Variants in IMMP2L observed in about 807,000 individuals in gnomAD.
IMMP2L encodes inner mitochondrial membrane peptidase subunit 2.
In IMMP2L, 18 loss-of-function variants were observed where a neutral mutation model predicts 19.3. The ratio of observed to expected loss-of-function variants is 0.93; its 90% CI spans 0.64 to 1.38. IMMP2L has a LOEUF of 1.38. Ranked by LOEUF, IMMP2L falls within the 40% of genes most tolerant of loss-of-function variation. The probability of loss-of-function intolerance (pLI) is 0.00; values close to 1 mark genes in which losing one functional copy is unlikely to be tolerated. For missense variants in IMMP2L, 233 were observed against 218.2 expected, an observed-to-expected ratio of 1.07 and a Z score of -0.43; for synonymous variants, 76 against 73.0, an observed-to-expected ratio of 1.04 and a Z score of -0.21.
intron 3 of IMMP2L, among the ~76,000 whole-genome samples, chr7:111,095,268 TA>T (rs1797282261): frequency 6.6e-6 from 1 of 152,030 alleles, no homozygotes; most frequent in African/African-American, 2.4e-5. Flanking sequence ...GAAATCGTTA[TA>T]ATGTAATACA....
chr7:111,297,505 T>G (rs572623262), intron 3 of IMMP2L, among the ~76,000 whole-genome samples: 131 of 152,214 alleles, frequency 8.6e-4, no homozygotes, highest in African/African-American at 3.1e-3. Flanking sequence ...ATTTTGGCAG[T>G]TTTAGAAATA....
At chr7:110,911,170 T>G (rs2129548363) in intron 4 of IMMP2L, among the ~76,000 whole-genome samples, 1 of 152,092 alleles carries the variant, frequency 6.6e-6, no homozygotes, top group African/African-American at 2.4e-5. Context: ...ACGTACACAG[T>G]TAAAAAAAGG....
chr7:110,830,473 A>T (rs1009275809), intron 5 of IMMP2L, among the ~76,000 whole-genome samples: 1 of 152,184 alleles, frequency 6.6e-6, no homozygotes, highest in African/African-American at 2.4e-5. Flanking sequence ...CTTAAAGTAA[A>T]GTGGACACAG....
At chr7:111,015,199 G>A (rs1362869731) in intron 3 of IMMP2L, among the ~76,000 whole-genome samples, 6 of 152,080 alleles carry the variant, frequency 3.9e-5, no homozygotes, top group African/African-American at 1.2e-4. Context: ...TGATATGTAC[G>A]TACAATGAAA....
At chr7:111,103,755 A>G (rs528687504) in intron 3 of IMMP2L, among the ~76,000 whole-genome samples, 4 of 151,694 alleles carry the variant, frequency 2.6e-5, no homozygotes, top group South Asian at 4.2e-4. Flanking sequence ...TATACTATGA[A>G]CTTTTAACGC....
At chr7:110,878,775 G>A (rs1004228539) in intron 5 of IMMP2L, among the ~76,000 whole-genome samples, 14 of 151,968 alleles carry the variant, frequency 9.2e-5, no homozygotes, top group Admixed American at 7.2e-4. Context: ...GTAATTTAAC[G>A]CTTATGTATA....
rs145670011 is a variant in IMMP2L, at chr7:111,241,517, C to G, written c.239+245721G>C. Among the ~76,000 whole-genome samples the G allele has an allele frequency of 1.7e-4, 26 of 151,944 alleles. No homozygotes were observed. In the East Asian group the frequency reaches 4.8e-3, roughly 28 times the overall value. On this transcript the variant is annotated intron_variant, in intron 3 of 5. Coordinates refer to ENST00000405709, the MANE Select transcript of IMMP2L (RefSeq NM_032549.4). The stretch of plus-strand genomic sequence containing the variant: ...AATGCTTAACAAAATTAATGCCAAC[C>G]TAACCTACTTGGCAAGGACAACCCT...
intron 5 of IMMP2L, among the ~76,000 whole-genome samples, chr7:110,740,654 C>T (rs1459028218): frequency 2.0e-5 from 3 of 151,990 alleles, no homozygotes; most frequent in African/African-American, 7.2e-5. Context: ...AGTCTTGGTG[C>T]CAATCCTATT....
At chr7:110,830,354 T>C (rs1018497890) in intron 5 of IMMP2L, among the ~76,000 whole-genome samples, 2 of 152,028 alleles carry the variant, frequency 1.3e-5, no homozygotes, top group East Asian at 1.9e-4. Flanking sequence ...GGACAGCATT[T>C]AGGACAAACG....
chr7:111,150,766 A>G (rs1218913358), intron 3 of IMMP2L, among the ~76,000 whole-genome samples: 1 of 152,192 alleles, frequency 6.6e-6, no homozygotes, highest in East Asian at 1.9e-4. Context: ...CTTATTGGCT[A>G]TTCTTTTCTC....
chr7:111,536,504 A>C (rs1181845262), intron 1 of IMMP2L, among the ~76,000 whole-genome samples: 2 of 151,938 alleles, frequency 1.3e-5, no homozygotes, highest in African/African-American at 4.8e-5. Context: ...ATGGAGTTTC[A>C]CCATGTTGCC....
intron 3 of IMMP2L, among the ~76,000 whole-genome samples, chr7:111,459,622 C>T (rs750067719): frequency 1.3e-5 from 2 of 152,068 alleles, no homozygotes; most frequent in Non-Finnish European, 2.9e-5. Context: ...GTATGTGATA[C>T]TTCTAGTCAA....
intron 3 of IMMP2L, among the ~76,000 whole-genome samples, chr7:111,258,179 G>C (rs1006302639): frequency 1.1e-4 from 16 of 152,030 alleles, no homozygotes; most frequent in Non-Finnish European, 2.2e-4. Flanking sequence ...TGATAACTAA[G>C]AGTTGTTCCA....
intron 3 of IMMP2L, among the ~76,000 whole-genome samples, chr7:111,082,188 C>T (rs992336084): frequency 1.2e-4 from 18 of 152,156 alleles, no homozygotes; most frequent in African/African-American, 3.4e-4. Context: ...TAAAGTACAA[C>T]GGAGCAAATC....
intron 5 of IMMP2L, among the ~76,000 whole-genome samples, chr7:110,797,580 T>A (rs911169436): frequency 1.3e-5 from 2 of 152,012 alleles, no homozygotes; most frequent in African/African-American, 4.8e-5. Flanking sequence ...AACACGTTTC[T>A]GTTGTGCCAC....
intron 3 of IMMP2L, among the ~76,000 whole-genome samples, chr7:111,090,724 T>C (rs1796770450): frequency 6.6e-6 from 1 of 152,104 alleles, no homozygotes; most frequent in Admixed American, 6.6e-5. Context: ...TCTTAAATAA[T>C]GCAGTCATTG....
At chr7:111,299,573 GA>G (rs71147472) in intron 3 of IMMP2L, among the ~76,000 whole-genome samples, 25,080 of 118,398 alleles carry the variant, frequency 0.21, 2,229 homozygotes, top group African/African-American at 0.28. Flanking sequence ...AGCTGAAGCA[GA>G]AAAAAAAAAA....
At chr7:111,497,768 T>C (rs140842095) in intron 2 of IMMP2L, among the ~76,000 whole-genome samples, 1,619 of 152,136 alleles carry the variant, frequency 0.011, 35 homozygotes, top group African/African-American at 0.036. Context: ...TATTTCTTCA[T>C]CTGTTAAGTG....
intron 5 of IMMP2L, among the ~76,000 whole-genome samples, chr7:110,833,385 G>A (rs1804142961): frequency 6.8e-6 from 1 of 146,194 alleles, no homozygotes; most frequent in African/African-American, 2.5e-5. Flanking sequence ...GTCGCAGTGA[G>A]CCAAGATTGT....
Sources: allele counts gnomAD v4.1 joint callset (sites outside exome capture counted in the v4.1 genomes callset), GRCh38; gene constraint gnomAD v4.1.1; transcripts MANE v1.5; gene names NCBI Gene and HGNC (gene_info 2026-07-23, HGNC 2026-07-21).